Variants in SLC1A1 observed in about 807,000 individuals in gnomAD.
The protein encoded by SLC1A1 is excitatory amino acid transporter 3.
SLC1A1 carries 43 observed loss-of-function variants against 53.3 expected under a neutral mutation model. The ratio of observed to expected loss-of-function variants is 0.81; its 90% CI spans 0.63 to 1.04. SLC1A1 has a LOEUF of 1.04. Ranked by LOEUF, SLC1A1 falls within the 50% of genes least tolerant of loss-of-function variation. SLC1A1 has a pLI of 0.00. For missense variants in SLC1A1, 748 were observed against 664.9 expected (o/e 1.12, Z -1.37); for synonymous variants, 307 against 243.2 (o/e 1.26, Z -2.44).
intron 1 of SLC1A1, among the ~76,000 whole-genome samples, chr9:4,523,892 T>TA (rs1816171207): frequency 6.6e-6 from 1 of 152,220 alleles, no homozygotes; most frequent in African/African-American, 2.4e-5. Flanking sequence ...ATAACACAGC[T>TA]AATAAAGTGG....
Position 4,585,317 on chromosome 9 carries a change from G to A in SLC1A1, c.1334G>A (p.Arg445Gln), listed in dbSNP as rs1289688414. The A allele has an allele frequency of 5.0e-6, 8 of 1,613,496 alleles. No homozygotes were observed. Among genetic ancestry groups the A allele is most frequent in the African/African-American group, 4.0e-5 (3 of 74,922 alleles). ...CTCCTCCCGTCTCTCCCCAGGGACC[G>A]GTTCAGGACCATGGTCAACGTCCTT... Reference protein sequence around the residue: ...LIIAVDWLLDRFRTMVNVLGD... With the variant: ...LIIAVDWLLDQFRTMVNVLGD... Residue 445 changes from arginine (R) to glutamine (Q), a missense_variant, in exon 12 of 12, where the codon CGG becomes CAG. Transcript: ENST00000262352.
At chr9:4,494,724 T>C (rs1820355522) in intron 1 of SLC1A1, among the ~76,000 whole-genome samples, 1 of 152,046 alleles carries the variant, frequency 6.6e-6, no homozygotes, top group Admixed American at 6.6e-5. Flanking sequence ...GGGAATTCTG[T>C]CCAAGCAGAA....
intron 1 of SLC1A1, among the ~76,000 whole-genome samples, chr9:4,503,399 A>G (rs944420059): frequency 4.0e-5 from 6 of 151,878 alleles, no homozygotes; most frequent in African/African-American, 1.5e-4. Flanking sequence ...GCAGAGTCAA[A>G]GTCTGTATTT....
chr9:4,496,527 GTTTTGT>G (rs1820429020), intron 1 of SLC1A1, among the ~76,000 whole-genome samples: 1 of 151,914 alleles, frequency 6.6e-6, no homozygotes, highest in South Asian at 2.1e-4. Context: ...GCCTTGTTTT[GTTTTGT>G]TTTTGTTTGT....
At chr9:4,507,610 G>A (rs1194577809) in intron 1 of SLC1A1, among the ~76,000 whole-genome samples, 1 of 152,180 alleles carries the variant, frequency 6.6e-6, no homozygotes, top group African/African-American at 2.4e-5. Context: ...AGGCAGCATG[G>A]TTGGGAGTCA....
chr9:4,505,476 G>A (rs1411850877), intron 1 of SLC1A1, among the ~76,000 whole-genome samples: 13 of 152,134 alleles, frequency 8.5e-5, no homozygotes, highest in Non-Finnish European at 2.9e-5. Context: ...TTAGAAATGA[G>A]CTCCCAGAAA....
At chr9:4,511,230 T>C (rs1586699361) in intron 1 of SLC1A1, among the ~76,000 whole-genome samples, 1 of 152,170 alleles carries the variant, frequency 6.6e-6, no homozygotes, top group Non-Finnish European at 1.5e-5. Context: ...TTATTTCTTA[T>C]AGTTCTGGAG....
chr9:4,576,845 A>C, intron 10 of SLC1A1, 82 bp downstream of exon 10: 1 of 1,241,456 alleles, frequency 8.1e-7, no homozygotes. Context: ...GGACACCAAG[A>C]ATGTCGCAGT....
At chr9:4,525,468 C>T (rs1451906042) in intron 1 of SLC1A1, among the ~76,000 whole-genome samples, 1 of 152,094 alleles carries the variant, frequency 6.6e-6, no homozygotes, top group Non-Finnish European at 1.5e-5. Flanking sequence ...CAACCCCCTC[C>T]TCAAAAGACA....
intron 1 of SLC1A1, among the ~76,000 whole-genome samples, chr9:4,525,918 T>C (rs773052555): frequency 1.3e-5 from 2 of 152,140 alleles, no homozygotes; most frequent in Non-Finnish European, 2.9e-5. Flanking sequence ...TTATAAGATA[T>C]TTAGAACTAA....
At chr9:4,537,772 G>A (rs971807028) in intron 1 of SLC1A1, among the ~76,000 whole-genome samples, 10 of 152,042 alleles carry the variant, frequency 6.6e-5, no homozygotes, top group Non-Finnish European at 1.2e-4. Context: ...GCCCTTGGGG[G>A]TAGGGAGAAG....
At chr9:4,533,951 G>T (rs1212742505) in intron 1 of SLC1A1, among the ~76,000 whole-genome samples, 1 of 152,120 alleles carries the variant, frequency 6.6e-6, no homozygotes, top group African/African-American at 2.4e-5. Context: ...ACCTGCTCCT[G>T]AATGACTACT....
chr9:4,562,407 A>G (rs1187657366), intron 3 of SLC1A1, among the ~76,000 whole-genome samples: 2 of 152,164 alleles, frequency 1.3e-5, no homozygotes, highest in Non-Finnish European at 2.9e-5. Context: ...TGATTGGTCT[A>G]TAATAGTGGA....
At chr9:4,498,106 C>G (rs1354210776) in intron 1 of SLC1A1, among the ~76,000 whole-genome samples, 2 of 152,150 alleles carry the variant, frequency 1.3e-5, no homozygotes, top group Non-Finnish European at 2.9e-5. Context: ...CTTTAAGAAC[C>G]TTTAGCTTTA....
intron 6 of SLC1A1, among the ~76,000 whole-genome samples, chr9:4,570,525 A>G (rs1246976921): frequency 6.6e-6 from 1 of 151,304 alleles, no homozygotes; most frequent in Admixed American, 6.6e-5. Context: ...CACGTGCCAC[A>G]ATGCCTGGCT....
intron 1 of SLC1A1, among the ~76,000 whole-genome samples, chr9:4,494,708 C>G (rs551032888): frequency 2.0e-5 from 3 of 151,762 alleles, no homozygotes; most frequent in Admixed American, 6.6e-5. Context: ...GTTTTATGCT[C>G]TAAGTGGGAA....
At chr9:4,565,913 T>C in intron 4 of SLC1A1, 134 bp from the exon 5 acceptor site, 1 of 763,122 alleles carries the variant, frequency 1.3e-6, no homozygotes, top group Middle Eastern at 2.3e-4. Flanking sequence ...TACAAGGAAG[T>C]ATTACGCAAA....
At chr9:4,548,392 G>A (rs1393547817) in intron 2 of SLC1A1, among the ~76,000 whole-genome samples, 2 of 152,148 alleles carry the variant, frequency 1.3e-5, no homozygotes, top group Non-Finnish European at 2.9e-5. Flanking sequence ...GCTGAGGAGG[G>A]TTGAATGAGT....
Position 4,585,591 on chromosome 9 carries a change from A to T in SLC1A1, c.*33A>T. 1 of 1,613,900 alleles carries T rather than the reference A, an allele frequency of 6.2e-7. No homozygotes were observed. The highest frequency in any genetic ancestry group is 8.5e-7 in the Non-Finnish European group (1 of 1,179,768). On this transcript the variant is annotated 3_prime_UTR_variant, in exon 12 of 12. Transcript: ENST00000262352. ...GGCTGCAGATGACTGGAAACAAGGA[A>T]GGACATTTCCGTGAGAGTCATCTCA...
Sources: allele counts gnomAD v4.1 joint callset (sites outside exome capture counted in the v4.1 genomes callset), GRCh38; gene constraint gnomAD v4.1.1; transcripts MANE v1.5; gene names NCBI Gene and HGNC (gene_info 2026-07-23, HGNC 2026-07-21).